LRRTM4: variants seen among roughly 807,000 people sequenced by gnomAD.
The protein encoded by LRRTM4 is leucine-rich repeat transmembrane neuronal protein 4.
In LRRTM4, 25 loss-of-function variants were observed where a neutral mutation model predicts 47.6. The ratio of observed to expected loss-of-function variants is 0.53; its 90% CI spans 0.38 to 0.73. The LOEUF (loss-of-function observed/expected upper bound fraction) is 0.73, where lower values mean the gene tolerates loss of function less well. Ranked by LOEUF, LRRTM4 falls within the 30% of genes least tolerant of loss-of-function variation. The pLI, the probability that LRRTM4 is intolerant of heterozygous loss-of-function variation, is 0.00. For synonymous variants in LRRTM4, 311 were observed against 269.5 expected, an observed-to-expected ratio of 1.15 and a Z score of -1.51; for missense variants, 638 against 713.4, an observed-to-expected ratio of 0.89 and a Z score of 1.20.
chr2:77,167,659 G>A (rs1232168778), intron 3 of LRRTM4, among the ~76,000 whole-genome samples: 1 of 152,136 alleles, frequency 6.6e-6, no homozygotes, highest in Non-Finnish European at 1.5e-5. Context: ...GTAGGGACAT[G>A]GATGAAGCTG....
intron 3 of LRRTM4, among the ~76,000 whole-genome samples, chr2:77,058,375 T>C (rs766656469): frequency 3.9e-5 from 6 of 152,288 alleles, no homozygotes; most frequent in African/African-American, 7.2e-5. Flanking sequence ...TACTGGCGAA[T>C]TGGGGAGTAC....
intron 3 of LRRTM4, among the ~76,000 whole-genome samples, chr2:77,436,874 T>C (rs1675621509): frequency 1.3e-5 from 2 of 151,916 alleles, no homozygotes; most frequent in South Asian, 4.1e-4. Flanking sequence ...TATAAGTAGA[T>C]AGATTTAATA....
At chr2:77,142,779 A>G (rs560248970) in intron 3 of LRRTM4, among the ~76,000 whole-genome samples, 13 of 152,248 alleles carry the variant, frequency 8.5e-5, no homozygotes, top group African/African-American at 2.4e-4. Flanking sequence ...ATATTCTCCA[A>G]TCTGATTCTC....
At chr2:76,821,006 A>G (rs1342948985) in intron 3 of LRRTM4, among the ~76,000 whole-genome samples, 2 of 151,860 alleles carry the variant, frequency 1.3e-5, no homozygotes, top group African/African-American at 4.8e-5. Context: ...CTGATGTAAA[A>G]TTATGAGTTA....
intron 3 of LRRTM4, among the ~76,000 whole-genome samples, chr2:77,500,292 T>C (rs146465859): frequency 6.6e-6 from 1 of 151,896 alleles, no homozygotes; most frequent in East Asian, 1.9e-4. Flanking sequence ...AGAAGTTTGA[T>C]TTAAAAAAAT....
At chr2:76,983,972 T>C (rs1676704178) in intron 3 of LRRTM4, among the ~76,000 whole-genome samples, 1 of 152,074 alleles carries the variant, frequency 6.6e-6, no homozygotes. Context: ...TTAACAAACA[T>C]TCATTACAAA....
intron 3 of LRRTM4, among the ~76,000 whole-genome samples, chr2:77,256,955 G>A (rs975439351): frequency 6.6e-6 from 1 of 152,020 alleles, no homozygotes; most frequent in African/African-American, 2.4e-5. Context: ...ACAAACTTGG[G>A]TTTATTCCAG....
chr2:77,231,541 C>A (rs573162298), intron 3 of LRRTM4, among the ~76,000 whole-genome samples: 206 of 151,902 alleles, frequency 1.4e-3, no homozygotes, highest in African/African-American at 4.6e-3. Context: ...TATAAATGGA[C>A]ATATATAGAG....
At chr2:77,498,106 A>G (rs993528355) in intron 3 of LRRTM4, among the ~76,000 whole-genome samples, 2 of 151,854 alleles carry the variant, frequency 1.3e-5, no homozygotes, top group African/African-American at 2.4e-5. Context: ...AGAAAAAAAT[A>G]TTATTTTCTT....
intron 3 of LRRTM4, among the ~76,000 whole-genome samples, chr2:76,762,778 G>T (rs1673303782): frequency 6.6e-6 from 1 of 152,110 alleles, no homozygotes; most frequent in Non-Finnish European, 1.5e-5. Context: ...TGGGCAACAT[G>T]GTGGGAACAT....
chr2:77,081,868 T>C (rs1680545353), intron 3 of LRRTM4, among the ~76,000 whole-genome samples: 1 of 152,132 alleles, frequency 6.6e-6, no homozygotes, highest in Non-Finnish European at 1.5e-5. Flanking sequence ...GTAGTGACAG[T>C]CACAAAATCT....
intron 3 of LRRTM4, among the ~76,000 whole-genome samples, chr2:76,970,470 C>T (rs960567864): frequency 1.3e-5 from 2 of 151,932 alleles, no homozygotes; most frequent in African/African-American, 4.8e-5. Context: ...ACTCTGTAAG[C>T]ATGCTATTGA....
chr2:77,424,464 C>T (rs769513896), intron 3 of LRRTM4, among the ~76,000 whole-genome samples: 28 of 152,134 alleles, frequency 1.8e-4, no homozygotes, highest in Admixed American at 7.2e-4. Context: ...ACCGGGTAAA[C>T]TCTTCAGTTT....
chr2:76,861,004 T>G (rs1672296297), intron 3 of LRRTM4, among the ~76,000 whole-genome samples: 1 of 152,144 alleles, frequency 6.6e-6, no homozygotes, highest in African/African-American at 2.4e-5. Flanking sequence ...AGACAGTGAT[T>G]AATCCAGTTT....
At chr2:77,507,738 G>A (rs963756805) in intron 3 of LRRTM4, among the ~76,000 whole-genome samples, 2 of 152,036 alleles carry the variant, frequency 1.3e-5, no homozygotes, top group Non-Finnish European at 2.9e-5. Context: ...CTGTGGTTCA[G>A]AAGTTACAGA....
At chr2:77,157,283 G>A (rs974763347) in intron 3 of LRRTM4, among the ~76,000 whole-genome samples, 4 of 152,120 alleles carry the variant, frequency 2.6e-5, no homozygotes, top group Non-Finnish European at 5.9e-5. Context: ...AAGAAGGAAG[G>A]TAATTATGAG....
At chr2:77,197,712 G>A (rs753366508) in intron 3 of LRRTM4, among the ~76,000 whole-genome samples, 5 of 151,966 alleles carry the variant, frequency 3.3e-5, no homozygotes, top group Non-Finnish European at 7.4e-5. Flanking sequence ...GCTGACCTTC[G>A]GTCATTCTAT....
intron 3 of LRRTM4, among the ~76,000 whole-genome samples, chr2:76,992,653 T>C (rs1169486149): frequency 1.3e-5 from 2 of 151,698 alleles, no homozygotes; most frequent in Admixed American, 6.6e-5. Flanking sequence ...AAACAATCCA[T>C]GTTCATGGAT....
At chr2:76,788,058 T>TGG (rs1674775704) in intron 3 of LRRTM4, among the ~76,000 whole-genome samples, 1 of 152,188 alleles carries the variant, frequency 6.6e-6, no homozygotes. Flanking sequence ...GAATGAATGT[T>TGG]ACTGTTGTTA....
Sources: gnomAD v4.1 joint callset for allele counts (sites outside exome capture counted in the v4.1 genomes callset) on GRCh38, gnomAD v4.1.1 for gene constraint, MANE v1.5 for transcripts, NCBI Gene and HGNC (gene_info 2026-07-23, HGNC 2026-07-21) for gene names.